The following TMOD2 variants were observed in gnomAD, a reference collection of about 807,000 sequenced individuals.
TMOD2 encodes the protein tropomodulin 2, also known as tropomodulin-2.
Under a neutral mutation model 39.9 loss-of-function variants are expected in TMOD2, and 22 were observed. The ratio of observed to expected loss-of-function variants is 0.55; its 90% confidence interval spans 0.39 to 0.79. TMOD2 has a LOEUF of 0.79. Among genes scored for constraint, TMOD2 ranks in the 30% least tolerant of loss-of-function variants. TMOD2 has a pLI of 0.00. For synonymous variants in TMOD2, 123 were observed against 146.1 expected, an observed-to-expected ratio of 0.84 and a Z score of 1.14; for missense variants, 386 against 413.3, an observed-to-expected ratio of 0.93 and a Z score of 0.57.
chr15:51,800,682 T>C (rs901988395), intron 8 of TMOD2, among the ~76,000 whole-genome samples: 6 of 152,180 alleles, frequency 3.9e-5, no homozygotes, highest in African/African-American at 1.2e-4. Context: ...AAATGGCTTC[T>C]CTTTATTTCT....
At position 51,813,998 on chromosome 15, in the gene TMOD2, T is replaced by C. The variant is rs774514331; in HGVS notation, c.*5544T>C. 25 of 152,312 alleles carry C rather than the reference T, an allele frequency of 1.6e-4. No individual in the cohort carries two copies. Among genetic ancestry groups the C allele is most frequent in the Middle Eastern group, 3.4e-3 (1 of 294 alleles). The allele number at this position is 152,312 out of a possible 1,614,324, so 9.4% of individuals were successfully genotyped here. A position where few individuals can be genotyped will look rare whatever the true frequency, so the allele number is the denominator to read the frequency against. On this transcript the variant is annotated 3_prime_UTR_variant, in exon 10 of 10. Coordinates refer to ENST00000249700, the MANE Select transcript of TMOD2 (RefSeq NM_014548.4). ...GACTGGAGTTATTTCAGCTCCCATG[T>C]AGAGGTGGGAGAGGTGGTTGATGGG...
chr15:51,759,065 T>C (rs1363049566), intron 1 of TMOD2, among the ~76,000 whole-genome samples: 1 of 152,210 alleles, frequency 6.6e-6, no homozygotes, highest in Non-Finnish European at 1.5e-5. Context: ...GCCATTTGTA[T>C]GGCGAATGGA....
intron 1 of TMOD2, among the ~76,000 whole-genome samples, chr15:51,753,457 G>T (rs1377541809): frequency 6.6e-6 from 1 of 152,046 alleles, no homozygotes; most frequent in Non-Finnish European, 1.5e-5. Context: ...TTGGCGATGG[G>T]GCAGAGCAAA....
chr15:51,801,275 A>ACACACACACG (rs1313039133), intron 8 of TMOD2, among the ~76,000 whole-genome samples: 82 of 140,932 alleles, frequency 5.8e-4, no homozygotes, highest in African/African-American at 2.0e-3. Context: ...ACACACACAC[A>ACACACACACG]CACACACACC....
intron 1 of TMOD2, among the ~76,000 whole-genome samples, chr15:51,754,952 A>T (rs2141609887): frequency 6.6e-6 from 1 of 152,358 alleles, no homozygotes. Flanking sequence ...AGGTCAGGAC[A>T]TATGATTAAA....
chr15:51,801,998 T>G (rs1211331648), intron 8 of TMOD2, among the ~76,000 whole-genome samples: 1 of 151,176 alleles, frequency 6.6e-6, no homozygotes, highest in Admixed American at 6.6e-5. Context: ...TTAGATAATT[T>G]AAGTATATAT....
At chr15:51,756,892 C>T (rs554962352) in intron 1 of TMOD2, among the ~76,000 whole-genome samples, 52 of 152,270 alleles carry the variant, frequency 3.4e-4, no homozygotes, top group Admixed American at 5.9e-4. Context: ...GGCCCATCTT[C>T]AAATAGCTAC....
In TMOD2 at chr15:51,809,901, T is replaced by A. The variant is rs1380232362; in HGVS notation, c.*1447T>A. 2 of 152,224 alleles carry A rather than the reference T, an allele frequency of 1.3e-5. No homozygotes were observed. The highest frequency in any genetic ancestry group is 4.8e-5 in the African/African-American group (2 of 41,454). The allele number at this position is 152,224 out of a possible 1,614,324, so 9.4% of individuals were successfully genotyped here. ...TTAATATATTATTCTATTTAGCTTG[T>A]AAAACACATGGAATCTGTTTAAGAT... On this transcript the variant is annotated 3_prime_UTR_variant, in exon 10 of 10. Transcript: ENST00000249700.
Position 51,812,414 on chromosome 15 carries a change from T to C in TMOD2, c.*3960T>C, listed in dbSNP as rs2056162040. On this transcript the variant is annotated 3_prime_UTR_variant, in exon 10 of 10. Transcript: ENST00000249700. Reference sequence around the variant, plus strand: ...TCAAACTGAAAATTCTTAAAACCAATATTAAGCATCAGCATGCTTTAAGTG... The same window carrying C: ...TCAAACTGAAAATTCTTAAAACCAACATTAAGCATCAGCATGCTTTAAGTG... 1 of 152,154 alleles carries C rather than the reference T, an allele frequency of 6.6e-6. No individual in the cohort carries two copies. 9.4% of individuals were successfully genotyped at this position (152,154 alleles called of 1,614,324 possible).
Position 51,766,542 on chromosome 15 carries a change from A to C in TMOD2, c.101A>C (p.Asn34Thr), listed in dbSNP as rs1567236279. Residue 34 changes from asparagine (N) to threonine (T), a missense_variant, in exon 2 of 10, where the codon AAT becomes ACT. Transcript: ENST00000249700. ...GAAGAGGAACTGAAACAGTTGGAAA[A>C]TGTTCTAGATGACCTAGATCCTGAG... ...LSEEELKQLE[N>T]VLDDLDPESA... 3.1e-6 allele frequency: 5 copies of C among 1,614,008 alleles called. No individual in the cohort carries two copies. Among genetic ancestry groups the C allele is most frequent in the Non-Finnish European group, 3.4e-6 (4 of 1,179,998 alleles).
Position 51,770,250 on chromosome 15 carries a change from A to G in TMOD2, c.283+1832A>G, listed in dbSNP as rs376377705. 8.5e-5 allele frequency among the ~76,000 whole-genome samples: 13 copies of G among 152,134 alleles called. No homozygotes were observed. The East Asian group carries it at 2.5e-3, about 29-fold the overall frequency. On this transcript the variant is annotated intron_variant, in intron 3 of 9. Transcript: ENST00000249700. ...GTCTTCTCATGTACTCTTCCTTCTG[A>G]CGCATGTCCCCATTTTTCACATCCT... is the stretch of plus-strand genomic sequence containing the variant.
chr15:51,806,553 T>G, intron 9 of TMOD2, 32 bp downstream of exon 9: 1 of 1,612,896 alleles, frequency 6.2e-7, no homozygotes, highest in Non-Finnish European at 8.5e-7. Flanking sequence ...CTGTTAACAA[T>G]TAGAAGAGCA....
intron 1 of TMOD2, 52 bp from the exon 2 acceptor site, chr15:51,766,321 C>G (rs62015116): frequency 1.9e-5 from 17 of 885,062 alleles, no homozygotes; most frequent in Admixed American, 1.4e-4. Context: ...GTTAATAAGT[C>G]CTGTTTACAG....
At chr15:51,806,544 T>C (rs1379227505) in intron 9 of TMOD2, 23 bp downstream of exon 9, 2 of 1,613,680 alleles carry the variant, frequency 1.2e-6, no homozygotes, top group African/African-American at 2.7e-5. Context: ...TAATATTTGC[T>C]GTTAACAATT....
chr15:51,806,014 A>C (rs2056119309), intron 8 of TMOD2, among the ~76,000 whole-genome samples: 1 of 152,254 alleles, frequency 6.6e-6, no homozygotes, highest in Non-Finnish European at 1.5e-5. Context: ...TAGTTTCATT[A>C]TTTTTAAAAC....
intron 1 of TMOD2, among the ~76,000 whole-genome samples, chr15:51,754,052 G>T (rs76812376): frequency 0.1 from 15,384 of 151,920 alleles, 1,377 homozygotes; most frequent in East Asian, 0.51. Context: ...AGGTGTGAGT[G>T]GGGGGGACGG....
chr15:51,776,052 G>C (rs888739751), intron 4 of TMOD2, among the ~76,000 whole-genome samples: 1 of 152,144 alleles, frequency 6.6e-6, no homozygotes, highest in African/African-American at 2.4e-5. Flanking sequence ...GTTTAACGTG[G>C]TCAGAGTCAG....
rs538847050 is a variant in TMOD2, at chr15:51,777,474, C to T, written c.493+456C>T. The stretch of plus-strand genomic sequence containing the variant: ...ATGCTTGTCATTAGAATTTGAATGT[C>T]CACTTCCCTCAGAGGGCATGAAAGA... On this transcript the variant is annotated intron_variant, in intron 5 of 9. Transcript: ENST00000249700. Among the ~76,000 whole-genome samples, 6 of 152,252 alleles carry T rather than the reference C, an allele frequency of 3.9e-5. No individual in the cohort carries two copies. In the South Asian group the frequency reaches 1.2e-3, roughly 32 times the overall value.
intron 7 of TMOD2, among the ~76,000 whole-genome samples, chr15:51,795,909 A>G (rs8041268): frequency 0.54 from 58,690 of 107,724 alleles, 14,669 homozygotes; most frequent in Admixed American, 0.63. Flanking sequence ...CCCACCCCCC[A>G]CCCGACTTTT....
Sources: gnomAD v4.1 joint callset for allele counts (sites outside exome capture counted in the v4.1 genomes callset) on GRCh38, gnomAD v4.1.1 for gene constraint, MANE v1.5 for transcripts, NCBI Gene and HGNC (gene_info 2026-07-23, HGNC 2026-07-21) for gene names.